The following LOC128125822 variants were observed in gnomAD, a reference collection of about 807,000 sequenced individuals.
At chr6:63,573,656 A>C in the LOC128125822 span, 1 of 152,328 alleles carries the variant, frequency 6.6e-6, no homozygotes, top group Admixed American at 6.5e-5. Flanking sequence ...CCCAGGCTCC[A>C]CCTGGTAATT....
chr6:63,581,746 A>G, the LOC128125822 span: 1 of 152,206 alleles, frequency 6.6e-6, no homozygotes, highest in African/African-American at 2.4e-5. Flanking sequence ...TGTAAAGCTC[A>G]GTTCCACTAG....
chr6:63,579,104 T>G, the LOC128125822 span: 1 of 1,406,352 alleles, frequency 7.1e-7, no homozygotes, highest in Non-Finnish European at 9.4e-7. Flanking sequence ...AAAATTCTTA[T>G]AATTTTTTAA....
chr6:63,576,861 T>G, the LOC128125822 span: 1 of 1,588,026 alleles, frequency 6.3e-7, no homozygotes. Flanking sequence ...CCCTATTGAG[T>G]GTTTTTTAAC....
chr6:63,573,589 C>T, the LOC128125822 span: 5 of 152,422 alleles, frequency 3.3e-5, no homozygotes, highest in South Asian at 1.0e-3. Context: ...GCACCCCTGC[C>T]CGGGCCAGAG....
chr6:63,580,225 T>A, the LOC128125822 span: 5 of 1,350,928 alleles, frequency 3.7e-6, no homozygotes, highest in African/African-American at 1.4e-5. Flanking sequence ...AGGGCCTAAT[T>A]TGTTATACAT....
chr6:63,579,524 C>G, the LOC128125822 span, among the ~76,000 whole-genome samples: 3 of 152,170 alleles, frequency 2.0e-5, no homozygotes, highest in East Asian at 5.8e-4. Flanking sequence ...TCTAATCCAA[C>G]AAGAGTTTTT....
the LOC128125822 span, chr6:63,580,508 T>C: frequency 1.1e-5 from 2 of 190,244 alleles, no homozygotes; most frequent in Non-Finnish European, 2.2e-5. Flanking sequence ...ATAAGAAATT[T>C]AGGAAGATTA....
chr6:63,580,171 A>G, the LOC128125822 span: 1,627 of 1,607,404 alleles, frequency 1.0e-3, 28 homozygotes, highest in South Asian at 0.017. Context: ...GTTGCATTCA[A>G]TAAAATTGGG....
the LOC128125822 span, among the ~76,000 whole-genome samples, chr6:63,575,946 C>G: frequency 1.3e-5 from 2 of 151,912 alleles, no homozygotes; most frequent in African/African-American, 4.8e-5. Flanking sequence ...TTATGCAAGA[C>G]TAATAACTTC....
the LOC128125822 span, chr6:63,580,156 C>A: frequency 6.2e-7 from 1 of 1,610,760 alleles, no homozygotes; most frequent in Non-Finnish European, 8.5e-7. Context: ...GTCATAGAAA[C>A]AACTGTTGCA....
At chr6:63,579,568 T>G in the LOC128125822 span, among the ~76,000 whole-genome samples, 1 of 152,248 alleles carries the variant, frequency 6.6e-6, no homozygotes, top group Non-Finnish European at 1.5e-5. Context: ...CTTGATTGAA[T>G]ATGTTGGTTA....
chr6:63,583,039 A>G, the LOC128125822 span: 1 of 152,286 alleles, frequency 6.6e-6, no homozygotes, highest in South Asian at 2.1e-4. Flanking sequence ...CCAGGCATTT[A>G]AGAATATGGC....
the LOC128125822 span, chr6:63,579,372 T>C: frequency 6.8e-7 from 1 of 1,475,090 alleles, no homozygotes; most frequent in South Asian, 1.2e-5. Context: ...TCTCTTTCAT[T>C]TCCTTGTTGA....
chr6:63,580,232 ACATATTAGCCAAC>A, the LOC128125822 span: 2 of 1,331,506 alleles, frequency 1.5e-6, no homozygotes, highest in East Asian at 4.6e-5. Context: ...AATTTGTTAT[ACATATTAGCCAAC>A]ATGTTGGCTT....
At chr6:63,572,788 C>T in the LOC128125822 span, 1 of 398,142 alleles carries the variant, frequency 2.5e-6, no homozygotes, top group Non-Finnish European at 4.4e-6. Context: ...CCCGCTGTCG[C>T]CTTTGTTCGG....
chr6:63,578,511 A>AG, the LOC128125822 span: 1 of 1,612,094 alleles, frequency 6.2e-7, no homozygotes, highest in Non-Finnish European at 8.5e-7. Context: ...TTGTGGAGAA[A>AG]GAAGGTATCC....
At chr6:63,578,523 T>A in the LOC128125822 span, 1 of 1,611,372 alleles carries the variant, frequency 6.2e-7, no homozygotes, top group South Asian at 1.1e-5. Flanking sequence ...AAGGTATCCA[T>A]GTTCTTGTAA....
At chr6:63,576,199 G>T in the LOC128125822 span, among the ~76,000 whole-genome samples, 1 of 150,672 alleles carries the variant, frequency 6.6e-6, no homozygotes. Context: ...TTTTTTCTGA[G>T]GAATCTTGGT....
At chr6:63,576,857 T>C in the LOC128125822 span, 2 of 1,574,824 alleles carry the variant, frequency 1.3e-6, no homozygotes, top group Admixed American at 3.4e-5. Flanking sequence ...ATAACCCTAT[T>C]GAGTGTTTTT....
Sources: gnomAD v4.1 joint callset for allele counts (sites outside exome capture counted in the v4.1 genomes callset) on GRCh38, gnomAD v4.1.1 for gene constraint, MANE v1.5 for transcripts.